NUMB: variants seen among roughly 807,000 people sequenced by gnomAD.
NUMB encodes protein numb homolog.
NUMB carries 29 observed loss-of-function variants against 59.7 expected under a neutral mutation model. The ratio of observed to expected loss-of-function variants is 0.49; its 90% CI spans 0.36 to 0.66. The LOEUF (loss-of-function observed/expected upper bound fraction) is 0.66, where lower values mean the gene tolerates loss of function less well. Ranked by LOEUF, NUMB falls within the 30% of genes least tolerant of loss-of-function variation. The pLI, the probability that NUMB is intolerant of heterozygous loss-of-function variation, is 0.00. For synonymous variants in NUMB, 288 were observed against 288.2 expected (o/e 1.00, Z 0.01); for missense variants, 723 against 822.0 (o/e 0.88, Z 1.47).
At chr14:73,386,178 C>G (rs1895514616) in intron 2 of NUMB, among the ~76,000 whole-genome samples, 1 of 152,048 alleles carries the variant, frequency 6.6e-6, no homozygotes, top group African/African-American at 2.4e-5. Flanking sequence ...TTTGAGACTA[C>G]AGCATGCTAT....
intron 4 of NUMB, among the ~76,000 whole-genome samples, chr14:73,352,518 ATATATATATATGT>A (rs1893433677): frequency 7.7e-5 from 1 of 13,002 alleles, no homozygotes; most frequent in Non-Finnish European, 1.3e-4. Context: ...ATATATATAT[ATATATATATATGT>A]TTTTTTTTTT....
chr14:73,378,068 A>G (rs1195073266), intron 2 of NUMB, among the ~76,000 whole-genome samples: 5 of 152,100 alleles, frequency 3.3e-5, no homozygotes. Flanking sequence ...AACAGTAAGA[A>G]AACTAACAAC....
intron 5 of NUMB, among the ~76,000 whole-genome samples, chr14:73,319,227 C>G (rs563709012): frequency 1.3e-5 from 2 of 152,166 alleles, no homozygotes; most frequent in Non-Finnish European, 2.9e-5. Flanking sequence ...CGTGCCACTG[C>G]ACTCCAGCCT....
intron 9 of NUMB, chr14:73,284,575 TA>T (rs1888856410): frequency 2.0e-6 from 1 of 504,084 alleles, no homozygotes; most frequent in Admixed American, 3.7e-5. Context: ...TCACAAAGCA[TA>T]TCTACTAAGA....
intron 2 of NUMB, among the ~76,000 whole-genome samples, chr14:73,393,342 A>G (rs767050616): frequency 5.3e-5 from 8 of 152,166 alleles, no homozygotes; most frequent in Non-Finnish European, 1.2e-4. Context: ...TATCATTCCA[A>G]TTGCAATATT....
chr14:73,432,384 C>T (rs1897871297), intron 1 of NUMB, among the ~76,000 whole-genome samples: 1 of 151,850 alleles, frequency 6.6e-6, no homozygotes, highest in Admixed American at 6.6e-5. Flanking sequence ...AGATACATGA[C>T]TTAAGATCCT....
At chr14:73,368,637 T>C (rs961846804) in intron 2 of NUMB, among the ~76,000 whole-genome samples, 3 of 152,044 alleles carry the variant, frequency 2.0e-5, no homozygotes, top group Admixed American at 6.6e-5. Flanking sequence ...GGATAAACTA[T>C]TGATAGAGAA....
intron 3 of NUMB, among the ~76,000 whole-genome samples, chr14:73,358,602 C>CTTTTTTTTTTTTTTTTTTTTTTT (rs35552161): frequency 8.4e-6 from 1 of 118,938 alleles, no homozygotes. Flanking sequence ...GAAAGCTAGA[C>CTTTTTTTTTTTTTTTTTTTTTTT]TTTTTTTTTT....
intron 1 of NUMB, among the ~76,000 whole-genome samples, chr14:73,447,299 C>T (rs1024991044): frequency 6.6e-6 from 1 of 151,298 alleles, no homozygotes; most frequent in Non-Finnish European, 1.5e-5. Flanking sequence ...CCAGACTGGC[C>T]AACATAGTGA....
At chr14:73,362,668 T>C (rs1894150552) in intron 3 of NUMB, among the ~76,000 whole-genome samples, 2 of 152,082 alleles carry the variant, frequency 1.3e-5, no homozygotes, top group Non-Finnish European at 2.9e-5. Flanking sequence ...ACTCCTTGGG[T>C]CAAGTGACCC....
chr14:73,418,399 T>G (rs980875215), intron 1 of NUMB, among the ~76,000 whole-genome samples: 1 of 152,198 alleles, frequency 6.6e-6, no homozygotes, highest in African/African-American at 2.4e-5. Context: ...AGAAAAGTTC[T>G]GGGATGTACA....
intron 8 of NUMB, among the ~76,000 whole-genome samples, chr14:73,292,405 T>C (rs545053136): frequency 1.9e-4 from 29 of 152,340 alleles, no homozygotes; most frequent in African/African-American, 7.0e-4. Context: ...TACTCATATA[T>C]GTTAGCCAAC....
intron 1 of NUMB, among the ~76,000 whole-genome samples, chr14:73,426,434 C>A (rs1897580107): frequency 6.6e-6 from 1 of 152,086 alleles, no homozygotes; most frequent in East Asian, 1.9e-4. Context: ...TGGCCTGGCA[C>A]AGGGGCTCAC....
At chr14:73,345,493 G>C (rs762855783) in intron 4 of NUMB, among the ~76,000 whole-genome samples, 1 of 152,070 alleles carries the variant, frequency 6.6e-6, no homozygotes, top group Non-Finnish European at 1.5e-5. Context: ...TAAAATAAAA[G>C]ATTTAAAAAA....
intron 1 of NUMB, among the ~76,000 whole-genome samples, chr14:73,428,277 T>A (rs1206838967): frequency 6.6e-6 from 1 of 152,174 alleles, no homozygotes. Flanking sequence ...TTAGCTAACC[T>A]ACCTACCTAG....
At chr14:73,361,981 G>C (rs555399357) in intron 3 of NUMB, among the ~76,000 whole-genome samples, 8 of 152,254 alleles carry the variant, frequency 5.3e-5, no homozygotes, top group African/African-American at 1.7e-4. Flanking sequence ...TGGAGGCCAG[G>C]TGCGCTGGCT....
chr14:73,366,248 C>T (rs1894338808), intron 3 of NUMB, among the ~76,000 whole-genome samples: 1 of 152,054 alleles, frequency 6.6e-6, no homozygotes, highest in African/African-American at 2.4e-5. Flanking sequence ...CAAGCAGTTG[C>T]CCAATTTGCT....
chr14:73,427,061 G>A (rs1464038536), intron 1 of NUMB, among the ~76,000 whole-genome samples: 1 of 152,186 alleles, frequency 6.6e-6, no homozygotes, highest in Non-Finnish European at 1.5e-5. Flanking sequence ...GAGTCTGCCA[G>A]AGCTAGGGTG....
intron 6 of NUMB, among the ~76,000 whole-genome samples, chr14:73,307,959 T>A (rs998340245): frequency 6.6e-6 from 1 of 151,800 alleles, no homozygotes; most frequent in Admixed American, 6.6e-5. Flanking sequence ...AGTCTCCATC[T>A]CCTGACCTCG....
Sources: gnomAD v4.1 joint callset for allele counts (sites outside exome capture counted in the v4.1 genomes callset) on GRCh38, gnomAD v4.1.1 for gene constraint, MANE v1.5 for transcripts, NCBI Gene and HGNC (gene_info 2026-07-23, HGNC 2026-07-21) for gene names.